OXSR1: variants seen among roughly 807,000 people sequenced by gnomAD.
OXSR1 encodes the protein serine/threonine-protein kinase OSR1.
OXSR1 carries 24 observed loss-of-function variants against 79.8 expected under a neutral mutation model. The observed-to-expected ratio is 0.30, with a 90% CI of 0.22 to 0.42. OXSR1 has a LOEUF of 0.42. Ranked by LOEUF, OXSR1 falls within the 10% of genes least tolerant of loss-of-function variation. The probability of loss-of-function intolerance (pLI) is 1.00; values close to 1 mark genes in which losing one functional copy is unlikely to be tolerated. For synonymous variants in OXSR1, 226 were observed against 209.2 expected, an observed-to-expected ratio of 1.08 and a Z score of -0.69; for missense variants, 430 against 618.4, an observed-to-expected ratio of 0.70 and a Z score of 3.23.
At chr3:38,242,960 A>AT (rs1156411866) in intron 12 of OXSR1, among the ~76,000 whole-genome samples, 182 bp downstream of exon 12, 1 of 151,976 alleles carries the variant, frequency 6.6e-6, no homozygotes, top group Non-Finnish European at 1.5e-5. Context: ...GATTTTGTGA[A>AT]TTTTTTATTT....
At chr3:38,199,273 CT>C (rs762400923) in intron 4 of OXSR1, among the ~76,000 whole-genome samples, 347 of 142,206 alleles carry the variant, frequency 2.4e-3, no homozygotes, top group Admixed American at 2.9e-3. Context: ...AGCCTTTTTT[CT>C]TTTTTTTTTT....
chr3:38,226,124 C>T (rs1250338707), intron 8 of OXSR1, among the ~76,000 whole-genome samples: 1 of 152,008 alleles, frequency 6.6e-6, no homozygotes, highest in Non-Finnish European at 1.5e-5. Context: ...GAAGTAGTCA[C>T]AGAGCTGCAC....
intron 5 of OXSR1, among the ~76,000 whole-genome samples, chr3:38,219,035 G>A (rs184761063): frequency 2.6e-5 from 4 of 152,094 alleles, no homozygotes; most frequent in Non-Finnish European, 5.9e-5. Flanking sequence ...TCTTTAGTTG[G>A]CAATTTAAAA....
chr3:38,190,164 G>A lies in OXSR1; in HGVS notation c.184-567G>A, dbSNP rs185639917. Among the ~76,000 whole-genome samples the A allele has an allele frequency of 9.9e-4, 151 of 152,272 alleles. 3 individuals carry two copies. In the South Asian group the frequency reaches 0.03, roughly 30 times the overall value. On this transcript the variant is annotated intron_variant, in intron 2 of 17. Transcript: ENST00000311806. ...CACACATGGCTTTATAAGGCATTTT[G>A]TCATACCAAATCTAGTTTAAAATCA...
At chr3:38,213,789 A>G (rs1702432837) in intron 4 of OXSR1, among the ~76,000 whole-genome samples, 1 of 152,030 alleles carries the variant, frequency 6.6e-6, no homozygotes, top group Admixed American at 6.6e-5. Context: ...ACTTGTTGCC[A>G]TTTTCTTGTG....
At chr3:38,214,106 G>T (rs1559515218) in intron 4 of OXSR1, among the ~76,000 whole-genome samples, 1 of 151,594 alleles carries the variant, frequency 6.6e-6, no homozygotes, top group Non-Finnish European at 1.5e-5. Context: ...TGGGGAGTAG[G>T]GATTGGGGAA....
chr3:38,226,599 C>T (rs920312997), intron 8 of OXSR1, among the ~76,000 whole-genome samples: 6 of 151,878 alleles, frequency 4.0e-5, no homozygotes, highest in African/African-American at 1.5e-4. Flanking sequence ...TGATATGTGC[C>T]TCTTGATATG....
chr3:38,212,980 C>G (rs1702416060), intron 4 of OXSR1, among the ~76,000 whole-genome samples: 2 of 152,162 alleles, frequency 1.3e-5, no homozygotes, highest in Non-Finnish European at 2.9e-5. Context: ...CTCCTGGAAG[C>G]TATTCTACAG....
intron 1 of OXSR1, among the ~76,000 whole-genome samples, chr3:38,174,246 G>T (rs1172424144): frequency 6.6e-6 from 1 of 152,124 alleles, no homozygotes; most frequent in African/African-American, 2.4e-5. Context: ...AATCATTGCA[G>T]GGTTTTGAAC....
At chr3:38,179,901 C>T (rs370124722) in intron 1 of OXSR1, among the ~76,000 whole-genome samples, 145 of 152,140 alleles carry the variant, frequency 9.5e-4, no homozygotes, top group South Asian at 1.5e-3. Flanking sequence ...CTCCACCTTC[C>T]GGGTTCAAGT....
At chr3:38,171,849 G>A (rs1370472096) in intron 1 of OXSR1, among the ~76,000 whole-genome samples, 1 of 152,092 alleles carries the variant, frequency 6.6e-6, no homozygotes, top group African/African-American at 2.4e-5. Context: ...ACTGTATTTG[G>A]CATGTGTTGA....
intron 11 of OXSR1, 126 bp downstream of exon 11, chr3:38,237,087 C>A: frequency 1.3e-6 from 1 of 763,578 alleles, no homozygotes; most frequent in Non-Finnish European, 2.0e-6. Context: ...ATAATAGGAG[C>A]CCAGTTAATT....
intron 1 of OXSR1, among the ~76,000 whole-genome samples, chr3:38,171,342 G>T (rs954886585): frequency 6.6e-6 from 1 of 152,130 alleles, no homozygotes; most frequent in Non-Finnish European, 1.5e-5. Flanking sequence ...TATGATTTCA[G>T]ATTACACTCA....
At chr3:38,188,274 CAGTT>C (rs1229815902) in intron 2 of OXSR1, among the ~76,000 whole-genome samples, 10 of 152,182 alleles carry the variant, frequency 6.6e-5, no homozygotes, top group South Asian at 2.1e-4. Flanking sequence ...CCTTCCCTAT[CAGTT>C]AGTCACCAAA....
Position 38,242,818 on chromosome 3 carries a change from G to A in OXSR1, c.1110+40G>A, listed in dbSNP as rs374887230. 44 of 1,292,300 alleles carry A rather than the reference G, an allele frequency of 3.4e-5. No homozygotes were observed. In the African/African-American group the frequency reaches 5.5e-4, roughly 16 times the overall value. 80.1% of individuals were successfully genotyped at this position (1,292,300 alleles called of 1,614,324 possible). A position where few individuals can be genotyped will look rare whatever the true frequency, so the allele number is the denominator to read the frequency against. ...TTATTGAATCCTTGTTAAAGTAAAT[G>A]TGCTTTTGTTTTGGTTTCAATTCGA... On this transcript the variant is annotated intron_variant, in intron 12 of 17. Transcript: ENST00000311806.
chr3:38,196,539 A>C (rs1702075874), intron 3 of OXSR1, among the ~76,000 whole-genome samples: 1 of 152,248 alleles, frequency 6.6e-6, no homozygotes. Context: ...TATGCCAAAG[A>C]AGAAGGGTTT....
In OXSR1 at chr3:38,246,203, G is replaced by C. The variant is rs1703138988; in HGVS notation, c.1239G>C (p.Glu413Asp). 1 of 1,613,702 alleles carries C rather than the reference G, an allele frequency of 6.2e-7. No homozygotes were observed. The highest frequency in any genetic ancestry group is 8.5e-7 in the Non-Finnish European group (1 of 1,179,754). ...AAGTCTCTCTCCCACCCACCGCAGA[G>C]CCAGCAAAAACAGCTCAGGTAAAGC... ...PTQVSLPPTA[E>D]PAKTAQALSS... is the part of the protein sequence containing the mutation. The change falls in exon 13 of 18, where the codon GAG becomes GAC. Residue 413 changes from glutamate (E) to aspartate (D), a missense_variant. By Grantham distance (45) the Glu-to-Asp change is conservative (BLOSUM62 2). Coordinates refer to ENST00000311806, the MANE Select transcript of OXSR1 (RefSeq NM_005109.3).
intron 8 of OXSR1, 114 bp downstream of exon 8, chr3:38,224,818 T>G (rs1702658449): frequency 2.7e-6 from 2 of 728,102 alleles, no homozygotes; most frequent in Non-Finnish European, 2.2e-6. Context: ...ATATAAACTT[T>G]AAAAAAGTAT....
intron 4 of OXSR1, among the ~76,000 whole-genome samples, chr3:38,210,414 A>G (rs1041478266): frequency 2.6e-5 from 4 of 152,156 alleles, no homozygotes; most frequent in Admixed American, 2.0e-4. Context: ...TGTTTAGGAG[A>G]ATAGAATGCT....
Sources: gnomAD v4.1 joint callset for allele counts (sites outside exome capture counted in the v4.1 genomes callset) on GRCh38, gnomAD v4.1.1 for gene constraint, MANE v1.5 for transcripts, NCBI Gene and HGNC (gene_info 2026-07-23, HGNC 2026-07-21) for gene names.